SGK2: variants seen among roughly 807,000 people sequenced by gnomAD.
SGK2 encodes serine/threonine-protein kinase Sgk2.
In SGK2, 36 loss-of-function variants were observed where a neutral mutation model predicts 47.5. The ratio of observed to expected loss-of-function variants is 0.76; its 90% CI spans 0.58 to 1.00. The LOEUF (loss-of-function observed/expected upper bound fraction) is 1.00, where lower values mean the gene tolerates loss of function less well. Ranked by LOEUF, SGK2 falls within the 50% of genes least tolerant of loss-of-function variation. The pLI is 0.00. For synonymous variants in SGK2, 157 were observed against 181.9 expected, an observed-to-expected ratio of 0.86 and a Z score of 1.10; for missense variants, 404 against 467.4, an observed-to-expected ratio of 0.86 and a Z score of 1.25.
intron 1 of SGK2, among the ~76,000 whole-genome samples, chr20:43,562,259 CA>C (rs576129861): frequency 6.7e-6 from 1 of 148,474 alleles, no homozygotes; most frequent in African/African-American, 2.5e-5. Context: ...ACAAAAAGTA[CA>C]AAAAAAAATT....
At chr20:43,573,150 A>T (rs1600994273) in intron 9 of SGK2, among the ~76,000 whole-genome samples, 1 of 152,220 alleles carries the variant, frequency 6.6e-6, no homozygotes, top group East Asian at 1.9e-4. Flanking sequence ...TCATTCAGAC[A>T]TGTCTATATG....
At chr20:43,560,367 C>T (rs866392105) in intron 1 of SGK2, among the ~76,000 whole-genome samples, 3 of 152,060 alleles carry the variant, frequency 2.0e-5, no homozygotes, top group Middle Eastern at 3.4e-3. Flanking sequence ...AGCGTCGTGA[C>T]ACATGCCCGT....
chr20:43,581,527 T>C (rs1568678519), intron 12 of SGK2, among the ~76,000 whole-genome samples: 2 of 152,044 alleles, frequency 1.3e-5, no homozygotes, highest in African/African-American at 4.8e-5. Flanking sequence ...TGCTAATGTT[T>C]TTTAGATTCT....
chr20:43,566,396 G>A (rs1979714850), intron 1 of SGK2, 77 bp from the exon 2 acceptor site: 1 of 1,614,204 alleles, frequency 6.2e-7, no homozygotes, highest in Non-Finnish European at 8.5e-7. Flanking sequence ...GAGGGCAGTG[G>A]TGCCTGAAGC....
At chr20:43,559,765 A>C (rs1285747519) in intron 1 of SGK2, among the ~76,000 whole-genome samples, 1 of 152,188 alleles carries the variant, frequency 6.6e-6, no homozygotes, top group African/African-American at 2.4e-5. Context: ...TGGAAAGACC[A>C]GGTTTGTTGG....
At chr20:43,575,661 G>A (rs1269484648) in intron 10 of SGK2, among the ~76,000 whole-genome samples, 1 of 152,106 alleles carries the variant, frequency 6.6e-6, no homozygotes, top group Non-Finnish European at 1.5e-5. Context: ...GCCTGCTTAG[G>A]TAGAGGCATG....
In SGK2 at chr20:43,575,011, C is replaced by A; in HGVS notation, c.693+7C>A. The A allele has an allele frequency of 1.9e-6, 3 of 1,604,054 alleles. No individual in the cohort carries two copies. The highest frequency in any genetic ancestry group is 1.1e-5 in the South Asian group (1 of 90,726). ...CGAGATGCTCCATGGCCTGGTGAGT[C>A]AGGGGTAGCCATCTACAAGGGCCAT... On this transcript the variant is annotated splice_region_variant and intron_variant, in intron 10 of 12. Coordinates refer to ENST00000373100, the MANE Select transcript of SGK2 (RefSeq NM_170693.3).
chr20:43,569,302 C>T, intron 5 of SGK2, 83 bp from the exon 6 acceptor site: 2 of 1,549,998 alleles, frequency 1.3e-6, no homozygotes. Flanking sequence ...ATGACCCCCA[C>T]CCACAAGCTT....
chr20:43,569,056 T>C (rs1979926399), intron 5 of SGK2, among the ~76,000 whole-genome samples: 1 of 152,108 alleles, frequency 6.6e-6, no homozygotes, highest in Non-Finnish European at 1.5e-5. Flanking sequence ...ATGGATAGTG[T>C]GTGGCTTCTT....
rs201117385 is a variant in SGK2, at chr20:43,571,063, T to TGGTGGGTG, written c.510+7_510+8insGGTGGGTG. 1,992 of 1,521,086 alleles carry TGGTGGGTG rather than the reference T, an allele frequency of 1.3e-3. 19 individuals carry two copies. The highest frequency in any genetic ancestry group is 0.01 in the African/African-American group (529 of 51,530). 94.2% of individuals were successfully genotyped at this position (1,521,086 alleles called of 1,614,324 possible). ...AGAACATTCTCTTGGACTGCCAGGT[T>TGGTGGGTG]GGTGTGTGTGTGTGTGTGTGTGTGT... On this transcript the variant is annotated splice_donor_region_variant and intron_variant, in intron 8 of 12. Coordinates refer to ENST00000373100, the MANE Select transcript of SGK2 (RefSeq NM_170693.3).
At chr20:43,565,617 T>TG in intron 1 of SGK2, 2 of 152,298 alleles carry the variant, frequency 1.3e-5, no homozygotes, top group Middle Eastern at 6.8e-3. Context: ...GGCCCCACAG[T>TG]GGGCCAAGAC....
chr20:43,569,918 C>A (rs745394459), intron 6 of SGK2, among the ~76,000 whole-genome samples: 20 of 152,154 alleles, frequency 1.3e-4, no homozygotes, highest in Non-Finnish European at 2.6e-4. Flanking sequence ...CACCTGGTGA[C>A]CCAGAAGCAC....
intron 11 of SGK2, 116 bp downstream of exon 11, chr20:43,576,495 C>G: frequency 2.4e-6 from 2 of 833,212 alleles, no homozygotes; most frequent in Non-Finnish European, 3.7e-6. Flanking sequence ...GCACTGCTCA[C>G]TTGTTCATTT....
chr20:43,569,390 C>T lies in SGK2; in HGVS notation c.234C>T (p.Ser78=). 1 of 1,613,846 alleles carries T rather than the reference C, an allele frequency of 6.2e-7. No homozygotes were observed. Among genetic ancestry groups the T allele is most frequent in the Non-Finnish European group, 8.5e-7 (1 of 1,179,982 alleles). ...CTCTCTTTGTGACTCCACAGCAGAG[C>T]CACATCATGGCAGAGCGCAGTGTGC... ...KKSILKKKEQ[S]HIMAERSVLL... is the part of the protein sequence containing the mutation. Residue 78 remains serine, a synonymous_variant, in exon 6 of 13, where the codon AGC becomes AGT. Coordinates refer to ENST00000373100, the MANE Select transcript of SGK2 (RefSeq NM_170693.3).
intron 1 of SGK2, among the ~76,000 whole-genome samples, chr20:43,562,216 C>G (rs534020813): frequency 2.3e-4 from 35 of 151,162 alleles, no homozygotes; most frequent in Non-Finnish European, 4.0e-4. Flanking sequence ...GAGCTCAAGA[C>G]CAGCCTGGGC....
intron 1 of SGK2, among the ~76,000 whole-genome samples, chr20:43,563,771 A>G (rs549704500): frequency 1.3e-5 from 2 of 152,306 alleles, no homozygotes; most frequent in East Asian, 3.9e-4. Context: ...TTGAAAATAA[A>G]TGTCCTTGTT....
intron 1 of SGK2, chr20:43,566,010 G>A (rs976086874): frequency 2.2e-5 from 6 of 270,776 alleles, no homozygotes; most frequent in African/African-American, 2.2e-5. Flanking sequence ...ATGGGAGTCC[G>A]GAGAGCCCAG....
At chr20:43,570,479 G>A in intron 6 of SGK2, 138 bp from the exon 7 acceptor site, 1 of 592,324 alleles carries the variant, frequency 1.7e-6, no homozygotes, top group Non-Finnish European at 3.0e-6. Context: ...GCAGGGGCCA[G>A]CATGCACTCT....
At chr20:43,559,683 G>A (rs1472162829) in intron 1 of SGK2, among the ~76,000 whole-genome samples, 1 of 152,242 alleles carries the variant, frequency 6.6e-6, no homozygotes, top group East Asian at 1.9e-4. Flanking sequence ...GACAGCAGCA[G>A]GAGAGGGTGC....
Sources: gnomAD v4.1 joint callset for allele counts (sites outside exome capture counted in the v4.1 genomes callset) on GRCh38, gnomAD v4.1.1 for gene constraint, MANE v1.5 for transcripts, NCBI Gene and HGNC (gene_info 2026-07-23, HGNC 2026-07-21) for gene names.